The following SHPK variants were observed in gnomAD, a reference collection of about 807,000 sequenced individuals.
SHPK encodes carbohydrate kinase-like protein.
A neutral mutation model predicts 46.3 loss-of-function variants in SHPK; 51 were observed. The ratio of observed to expected loss-of-function variants is 1.10; its 90% CI spans 0.88 to 1.39. The LOEUF is 1.39. SHPK is among the 40% of genes most tolerant of loss of function. SHPK has a pLI of 0.00. For synonymous variants in SHPK, 290 were observed against 273.9 expected (o/e 1.06, Z -0.58); for missense variants, 668 against 641.3 (o/e 1.04, Z -0.45).
In SHPK at chr17:3,611,222, C is replaced by G. The variant is rs538142455; in HGVS notation, c.1025-250G>C. Among the ~76,000 whole-genome samples the G allele has an allele frequency of 2.6e-5, 4 of 152,172 alleles. No homozygotes were observed. The East Asian group carries it at 7.7e-4, about 29-fold the overall frequency. On this transcript the variant is annotated intron_variant, in intron 6 of 6. Coordinates refer to ENST00000225519, the MANE Select transcript of SHPK (RefSeq NM_013276.4). ...GTCTCATTAAGTGCTGCCATGAGCC[C>G]TACCCCTAACACAGGCTTCTTAACC...
chr17:3,621,266 T>C lies in SHPK; in HGVS notation c.794A>G (p.Tyr265Cys), dbSNP rs149000513. ...VALGDLQASVYSCMAQRTDAV... is the reference protein window; with the variant it reads ...VALGDLQASVCSCMAQRTDAV... The stretch of plus-strand genomic sequence containing the variant: ...ATCTGTCCTCTGGGCCATGCAGGAA[T>C]AGACAGAGGCCTGTAAATCACCCAA... Residue 265 changes from tyrosine (Y) to cysteine (C), a missense_variant, in exon 5 of 7, where the codon TAT becomes TGT. Transcript: ENST00000225519. 1.3e-3 allele frequency: 2,027 copies of C among 1,613,770 alleles called. 53 individuals are homozygous for C. The Admixed American group carries it at 0.032, about 26-fold the overall frequency.
intron 1 of SHPK, among the ~76,000 whole-genome samples, chr17:3,630,720 C>A (rs145487686): frequency 1.2e-4 from 19 of 152,080 alleles, no homozygotes; most frequent in South Asian, 4.1e-4. Flanking sequence ...AAAAATTAGC[C>A]GGGTATGGTG....
intron 5 of SHPK, among the ~76,000 whole-genome samples, chr17:3,618,372 G>A (rs1177987933): frequency 6.6e-6 from 1 of 151,836 alleles, no homozygotes; most frequent in African/African-American, 2.4e-5. Context: ...CCCAAAGTGC[G>A]GGGATTACAG....
In SHPK at chr17:3,623,951, G is replaced by A. The variant is rs968954463; in HGVS notation, c.494+97C>T. 1.8e-5 allele frequency: 22 copies of A among 1,227,494 alleles called. No individual in the cohort carries two copies. In the African/African-American group the frequency reaches 2.0e-4, roughly 11 times the overall value. 76.0% of individuals were successfully genotyped at this position (1,227,494 alleles called of 1,614,324 possible). A position where few individuals can be genotyped will look rare whatever the true frequency, so the allele number is the denominator to read the frequency against. On this transcript the variant is annotated intron_variant, in intron 3 of 6. Coordinates refer to ENST00000225519, the MANE Select transcript of SHPK (RefSeq NM_013276.4). The stretch of plus-strand genomic sequence containing the variant: ...TGTCCTGCCAGGACACACTCACTGC[G>A]GCACAGCCCAGCAGGCGGGGTGATG...
At chr17:3,627,473 A>G (rs1460763583) in intron 2 of SHPK, among the ~76,000 whole-genome samples, 6 of 151,932 alleles carry the variant, frequency 3.9e-5, no homozygotes, top group Admixed American at 3.9e-4. Context: ...TCTCTCCCCC[A>G]GGGCCTAGCA....
chr17:3,624,108 G>T lies in SHPK; in HGVS notation c.434C>A (p.Ser145Tyr). 2.5e-6 allele frequency: 4 copies of T among 1,614,148 alleles called. No individual in the cohort carries two copies. The highest frequency in any genetic ancestry group is 2.5e-6 in the Non-Finnish European group (3 of 1,179,972). ...EFLASLPQPK[S>Y]HLSVATGFGC... is the part of the protein sequence containing the mutation. ...GAAGCCCGTGGCCACACTGAGATGA[G>T]ACTTCGGCTGGGGCAGAGAGGCCAG... The change falls in exon 3 of 7, where the codon TCT becomes TAT. Residue 145 changes from serine to tyrosine, a missense_variant. Coordinates refer to ENST00000225519, the MANE Select transcript of SHPK (RefSeq NM_013276.4).
At chr17:3,616,931 GT>G (rs2075374177) in intron 5 of SHPK, among the ~76,000 whole-genome samples, 1 of 152,124 alleles carries the variant, frequency 6.6e-6, no homozygotes, top group South Asian at 2.1e-4. Context: ...TAGAGGTGGG[GT>G]TTCACCATGT....
At position 3,610,656 on chromosome 17, in the gene SHPK, A is replaced by G. The variant is rs372278731; in HGVS notation, c.1341T>C (p.Ala447=). 5.0e-6 allele frequency: 8 copies of G among 1,613,916 alleles called. No individual in the cohort carries two copies. Among genetic ancestry groups the G allele is most frequent in the Non-Finnish European group, 6.8e-6 (8 of 1,179,996 alleles). The change falls in exon 7 of 7, where the codon GCT becomes GCC. Residue 447 remains alanine (A), a synonymous_variant. Coordinates refer to ENST00000225519, the MANE Select transcript of SHPK (RefSeq NM_013276.4). The part of the protein sequence containing the change: ...NDVLKQEVQR[A]FPLPMSFGQD... Reference sequence around the variant, plus strand: ...GCCCAAAGGACATGGGCAAAGGGAAAGCCCTCTGCACCTCCTGCTTCAGCA... The same window carrying G: ...GCCCAAAGGACATGGGCAAAGGGAAGGCCCTCTGCACCTCCTGCTTCAGCA...
chr17:3,629,101 C>A (rs908114709), intron 2 of SHPK, among the ~76,000 whole-genome samples: 2 of 152,190 alleles, frequency 1.3e-5, no homozygotes, highest in Admixed American at 6.5e-5. Flanking sequence ...CCCTGCCAGG[C>A]CTTTAAAAGC....
In SHPK at chr17:3,621,373, G is replaced by A; in HGVS notation, c.687C>T (p.Asp229=). 1 of 1,614,142 alleles carries A rather than the reference G, an allele frequency of 6.2e-7. No homozygotes were observed. Among genetic ancestry groups the A allele is most frequent in the Non-Finnish European group, 8.5e-7 (1 of 1,179,996 alleles). Residue 229 remains aspartate (D), a synonymous_variant, in exon 5 of 7, where the codon GAC becomes GAT. Transcript: ENST00000225519. The stretch of plus-strand genomic sequence containing the variant: ...CCGCCACACTGCCAGGCTCGGCGAT[G>A]TCTGGGAGCAGGTGGACAGGAAAAC... The part of the protein sequence containing the change: ...SSGFPVHLLP[D]IAEPGSVAGR...
chr17:3,621,468 A>G (rs940777089), intron 4 of SHPK, 56 bp from the exon 5 acceptor site: 2 of 1,534,306 alleles, frequency 1.3e-6, no homozygotes, highest in Middle Eastern at 1.7e-4. Flanking sequence ...CGGGAATTTA[A>G]GGGATCCTTC....
rs763517303 is a variant in SHPK at position 3,623,339 on chromosome 17, G to C, written c.647C>G (p.Thr216Arg). The part of the protein sequence containing the change: ...NTQSQSWNVE[T>R]LRSSGFPVHL... Reference sequence around the variant, plus strand: ...CAGCCTGCAAGGATGTGATACTCACGTCTCTACGTTCCAGCTTTGGCTCTG... The same window carrying C: ...CAGCCTGCAAGGATGTGATACTCACCTCTCTACGTTCCAGCTTTGGCTCTG... Residue 216 changes from threonine to arginine, a missense_variant and splice_region_variant, in exon 4 of 7, where the codon ACA becomes AGA. Thr to Arg is a moderately conservative substitution (Grantham distance 71). Coordinates refer to ENST00000225519, the MANE Select transcript of SHPK (RefSeq NM_013276.4). 1.9e-6 allele frequency: 3 copies of C among 1,614,132 alleles called. No individual in the cohort carries two copies. Among genetic ancestry groups the C allele is most frequent in the Non-Finnish European group, 2.5e-6 (3 of 1,179,988 alleles).
chr17:3,631,730 C>A (rs2075473711), intron 1 of SHPK, among the ~76,000 whole-genome samples: 1 of 151,488 alleles, frequency 6.6e-6, no homozygotes, highest in Non-Finnish European at 1.5e-5. Context: ...GCCACGTTGG[C>A]CAGGCTGGTC....
intron 5 of SHPK, chr17:3,619,746 A>C: frequency 2.6e-6 from 1 of 388,854 alleles, no homozygotes; most frequent in East Asian, 7.8e-5. Context: ...AAAAAAAAAA[A>C]AATTTGGAAG....
At chr17:3,622,425 G>A (rs559762373) in intron 4 of SHPK, 5 of 223,386 alleles carry the variant, frequency 2.2e-5, no homozygotes, top group East Asian at 1.8e-4. Flanking sequence ...TATGGTTGGT[G>A]AGCACAGCCC....
At chr17:3,626,782 T>A (rs906781486) in intron 2 of SHPK, among the ~76,000 whole-genome samples, 4 of 149,696 alleles carry the variant, frequency 2.7e-5, no homozygotes, top group Non-Finnish European at 5.9e-5. Context: ...AACAGTTACT[T>A]GGGAGGGGAA....
intron 1 of SHPK, 92 bp from the exon 2 acceptor site, chr17:3,630,438 G>A (rs1222448753): frequency 3.0e-6 from 4 of 1,323,884 alleles, no homozygotes; most frequent in African/African-American, 1.5e-5. Context: ...GAGGAATGCA[G>A]TGGGCAGCAT....
intron 6 of SHPK, among the ~76,000 whole-genome samples, chr17:3,612,815 G>A (rs774042760): frequency 1.0e-4 from 15 of 150,216 alleles, no homozygotes; most frequent in Admixed American, 2.0e-4. Context: ...GCAGTGGCGC[G>A]ATCTCGGCTC....
In SHPK at chr17:3,610,979, G is replaced by A. The variant is rs2150865180; in HGVS notation, c.1025-7C>T. On this transcript the variant is annotated splice_region_variant and splice_polypyrimidine_tract_variant and intron_variant, in intron 6 of 6. Transcript: ENST00000225519. Reference sequence around the variant, plus strand: ...GATTCTTCAACCTCCAGGCCTGCCAGAGACAGAGAAGATCTGTGTAAGCTC... The same window carrying A: ...GATTCTTCAACCTCCAGGCCTGCCAAAGACAGAGAAGATCTGTGTAAGCTC... 6.3e-7 allele frequency: 1 copy of A among 1,597,838 alleles called. No individual in the cohort carries two copies. The highest frequency in any genetic ancestry group is 8.6e-7 in the Non-Finnish European group (1 of 1,169,312).
Sources: gnomAD v4.1 joint callset for allele counts (sites outside exome capture counted in the v4.1 genomes callset) on GRCh38, gnomAD v4.1.1 for gene constraint, MANE v1.5 for transcripts, NCBI Gene and HGNC (gene_info 2026-07-23, HGNC 2026-07-21) for gene names.